VWF: variants seen among roughly 807,000 people sequenced by gnomAD.
The protein encoded by VWF is Factor VIII related antigen.
Under a neutral mutation model 308.6 loss-of-function variants are expected in VWF, and 176 were observed. The ratio of observed to expected loss-of-function variants is 0.57; its 90% CI spans 0.50 to 0.65. VWF has a LOEUF of 0.65. Among genes scored for constraint, VWF ranks in the 30% least tolerant of loss-of-function variants. The probability of loss-of-function intolerance (pLI) is 0.00; values close to 1 mark genes in which losing one functional copy is unlikely to be tolerated. For missense variants in VWF, 3,146 were observed against 3,648.2 expected, an observed-to-expected ratio of 0.86 and a Z score of 3.55; for synonymous variants, 1,385 against 1,443.4, an observed-to-expected ratio of 0.96 and a Z score of 0.92.
rs1944829102 is a variant in VWF at position 6,075,270 on chromosome 12, G to A, written c.874+65C>T. 5 of 1,604,862 alleles carry A rather than the reference G, an allele frequency of 3.1e-6. No homozygotes were observed. In the South Asian group the frequency reaches 4.4e-5, roughly 14 times the overall value. ...GTGACACAGCCCCGAAGCACCCTAAGGGACACCACCCAGGACAGACCGTTC... is the reference window on the plus strand; with the variant it reads ...GTGACACAGCCCCGAAGCACCCTAAAGGACACCACCCAGGACAGACCGTTC... On this transcript the variant is annotated intron_variant, in intron 7 of 51. Transcript: ENST00000261405. The surrounding 1 kb of genome is among the most constrained non-coding windows in gnomAD (Gnocchi z 4.7).
At position 6,040,879 on chromosome 12, in the gene VWF, A is replaced by C. The variant is rs140016808; in HGVS notation, c.2442+3412T>G. On this transcript the variant is annotated intron_variant, in intron 18 of 51. Coordinates refer to ENST00000261405, the MANE Select transcript of VWF (RefSeq NM_000552.5). ...TTTCTCTGCCCCCGCCAATATTTTC[A>C]AACAGGTGCTTCTGGGCATACGGTG... Among the ~76,000 whole-genome samples the C allele has an allele frequency of 2.8e-3, 419 of 152,308 alleles. 13 individuals are homozygous for C. Among genetic ancestry groups the C allele is most frequent in the Admixed American group, 0.023 (346 of 15,300 alleles).
At chr12:6,059,809 G>A (rs543674666) in intron 13 of VWF, among the ~76,000 whole-genome samples, 4 of 152,336 alleles carry the variant, frequency 2.6e-5, no homozygotes, top group South Asian at 2.1e-4. Context: ...TGAATGAATC[G>A]TTGAACAAAT....
intron 31 of VWF, among the ~76,000 whole-genome samples, chr12:6,015,158 C>A (rs1403857731): frequency 6.6e-6 from 1 of 152,160 alleles, no homozygotes; most frequent in Non-Finnish European, 1.5e-5. Flanking sequence ...ATAAACATGT[C>A]ACATTCATTC....
rs1042941735 is a variant in VWF, at chr12:6,095,823, C to T, written c.533-239G>A. 7.9e-5 allele frequency: 39 copies of T among 490,890 alleles called. 1 individual carries two copies. Among genetic ancestry groups the T allele is most frequent in the South Asian group, 1.4e-4 (7 of 51,086 alleles). The allele number at this position is 490,890 out of a possible 1,614,324, so 30.4% of individuals were successfully genotyped here. ...CTCTGGCTTGGCTGGTTCACCCCTC[C>T]TCAGGCAACCCAGTTGTCCCCCACT... On this transcript the variant is annotated intron_variant, in intron 5 of 51. Transcript: ENST00000261405.
intron 6 of VWF, among the ~76,000 whole-genome samples, chr12:6,079,518 G>T (rs897160714): frequency 6.6e-6 from 1 of 152,024 alleles, no homozygotes; most frequent in Admixed American, 6.6e-5. Context: ...GCTGAGGCAG[G>T]AGAATGGCAT....
intron 9 of VWF, 102 bp downstream of exon 9, chr12:6,072,229 C>CG: frequency 9.5e-7 from 1 of 1,055,408 alleles, no homozygotes; most frequent in South Asian, 1.3e-5. Flanking sequence ...TTTCTTGGCA[C>CG]GGTCCAGGTT....
At chr12:6,008,416 A>G (rs1163534392) in intron 34 of VWF, among the ~76,000 whole-genome samples, 5 of 152,200 alleles carry the variant, frequency 3.3e-5, no homozygotes, top group Admixed American at 3.3e-4. Context: ...CAAAGGATAA[A>G]AATCATACTA....
chr12:6,095,512 C>A lies in VWF; in HGVS notation c.605G>T (p.Arg202Leu), dbSNP rs369737556. 2 of 1,613,952 alleles carry A rather than the reference C, an allele frequency of 1.2e-6. No individual in the cohort carries two copies. Among genetic ancestry groups the A allele is most frequent in the South Asian group, 2.2e-5 (2 of 91,086 alleles). The part of the protein sequence containing the change: ...ALSSGEQWCE[R>L]ASPPSSSCNI... ...GCATGAGCTGCTGGGAGGAGATGCC[C>A]GTTCACACCACTGTTCTCCACTGCT... The change falls in exon 6 of 52, where the codon CGG becomes CTG. Residue 202 changes from arginine to leucine, a missense_variant. By Grantham distance (102) the Arg-to-Leu change is moderately radical. This residue lies in a region of VWF where 1,304 missense variants were observed against 1,353.0 expected (regional missense o/e 0.96). Transcript: ENST00000261405.
chr12:6,081,731 A>C (rs1944913359), intron 6 of VWF, among the ~76,000 whole-genome samples: 1 of 152,122 alleles, frequency 6.6e-6, no homozygotes, highest in Admixed American at 6.6e-5. Flanking sequence ...TTTTATAATA[A>C]TACTAAGATG....
chr12:5,954,018 C>T, intron 47 of VWF: 1 of 215,012 alleles, frequency 4.7e-6, no homozygotes, highest in Admixed American at 5.3e-5. Context: ...TGAGAGTTAT[C>T]CTTGACTTCC....
At chr12:6,074,502 A>C (rs1421587601) in intron 7 of VWF, among the ~76,000 whole-genome samples, 1 of 151,670 alleles carries the variant, frequency 6.6e-6, no homozygotes, top group Non-Finnish European at 1.5e-5. Context: ...AAAAAAAAAA[A>C]AAAAAAAACA....
At chr12:5,992,139 A>C in intron 37 of VWF, 121 bp from the exon 38 acceptor site, 1 of 901,156 alleles carries the variant, frequency 1.1e-6, no homozygotes, top group Non-Finnish European at 1.7e-6. Flanking sequence ...GCTATTTTCC[A>C]CCAATCTTCA....
At chr12:6,123,438 A>G (rs1315025074) in intron 1 of VWF, among the ~76,000 whole-genome samples, 1 of 152,144 alleles carries the variant, frequency 6.6e-6, no homozygotes, top group Non-Finnish European at 1.5e-5. Flanking sequence ...CTTTCCACAG[A>G]CAGCAGTCCC....
intron 20 of VWF, among the ~76,000 whole-genome samples, chr12:6,032,734 CCACA>C (rs754209589): frequency 6.6e-6 from 1 of 151,572 alleles, no homozygotes; most frequent in South Asian, 2.1e-4. Context: ...ACACACACAC[CCACA>C]CACACACATA....
Position 6,110,850 on chromosome 12 carries a change from G to A in VWF, c.323+16C>T. On this transcript the variant is annotated intron_variant, in intron 4 of 51. Coordinates refer to ENST00000261405, the MANE Select transcript of VWF (RefSeq NM_000552.5). The stretch of plus-strand genomic sequence containing the variant: ...GATCCCTAGGGTCCTTTCTAACTCA[G>A]ACATTGTTGGCTTACCTTTGGTCCC... 1 of 1,612,488 alleles carries A rather than the reference G, an allele frequency of 6.2e-7. No homozygotes were observed. Among genetic ancestry groups the A allele is most frequent in the Admixed American group, 1.7e-5 (1 of 60,008 alleles).
chr12:6,050,865 G>C (rs190758888), intron 16 of VWF, among the ~76,000 whole-genome samples: 1 of 151,728 alleles, frequency 6.6e-6, no homozygotes, highest in South Asian at 2.1e-4. Context: ...TGAGGCAAGA[G>C]AATCGCTTGA....
At chr12:6,102,311 G>T (rs1565390356) in intron 5 of VWF, among the ~76,000 whole-genome samples, 1 of 152,114 alleles carries the variant, frequency 6.6e-6, no homozygotes, top group Admixed American at 6.6e-5. Flanking sequence ...GCATGGTGAT[G>T]TGTGCCTGTA....
chr12:6,087,537 T>G (rs1236925010), intron 6 of VWF, among the ~76,000 whole-genome samples: 2 of 144,930 alleles, frequency 1.4e-5, no homozygotes, highest in South Asian at 2.4e-4. Context: ...TTTTTTTTTT[T>G]TGTATTGTTA....
At chr12:6,086,751 G>C (rs1944977128) in intron 6 of VWF, among the ~76,000 whole-genome samples, 1 of 152,222 alleles carries the variant, frequency 6.6e-6, no homozygotes, top group Non-Finnish European at 1.5e-5. Context: ...ATAGCAGAAA[G>C]GGCTGGTAGG....
Sources: allele counts gnomAD v4.1 joint callset (sites outside exome capture counted in the v4.1 genomes callset), GRCh38; gene constraint gnomAD v4.1.1; regional missense constraint gnomAD v4.1.1; non-coding constraint Gnocchi (gnomAD v3.1); transcripts MANE v1.5; gene names NCBI Gene and HGNC (gene_info 2026-07-23, HGNC 2026-07-21).